Variants in SCFD2 observed in about 807,000 individuals in gnomAD.
SCFD2 encodes sec1 family domain-containing protein 2.
SCFD2 carries 54 observed loss-of-function variants against 58.9 expected under a neutral mutation model. That is an observed-to-expected ratio of 0.92 (90% confidence interval 0.74 to 1.15). The LOEUF (loss-of-function observed/expected upper bound fraction) is 1.15. Among genes scored for constraint, SCFD2 ranks in the 50% most tolerant of loss-of-function variants. The probability of loss-of-function intolerance (pLI) is 0.00; values close to 1 mark genes in which losing one functional copy is unlikely to be tolerated. For missense variants in SCFD2, 805 were observed against 836.6 expected (o/e 0.96, Z 0.47); for synonymous variants, 321 against 335.9 (o/e 0.96, Z 0.49).
intron 4 of SCFD2, among the ~76,000 whole-genome samples, chr4:53,238,461 C>A (rs1426700391): frequency 2.7e-5 from 4 of 149,940 alleles, no homozygotes; most frequent in Non-Finnish European, 4.5e-5. Context: ...CTGACCCCCC[C>A]ACCTCCCTCC....
At chr4:53,010,546 C>T (rs1037742407) in intron 5 of SCFD2, among the ~76,000 whole-genome samples, 3 of 152,178 alleles carry the variant, frequency 2.0e-5, no homozygotes, top group African/African-American at 7.2e-5. Flanking sequence ...GGCGGAAATC[C>T]CTGTCCTTGT....
At chr4:53,315,466 A>T (rs896961589) in intron 2 of SCFD2, among the ~76,000 whole-genome samples, 10 of 152,156 alleles carry the variant, frequency 6.6e-5, no homozygotes, top group African/African-American at 2.2e-4. Flanking sequence ...AGTCATGTCA[A>T]CTTTGATATG....
intron 6 of SCFD2, among the ~76,000 whole-genome samples, chr4:52,915,695 C>G (rs1179278762): frequency 6.6e-6 from 1 of 152,192 alleles, no homozygotes; most frequent in East Asian, 1.9e-4. Flanking sequence ...GAAGCCCAAA[C>G]ACATTAACAT....
At chr4:53,266,669 A>G (rs1730993016) in intron 4 of SCFD2, among the ~76,000 whole-genome samples, 1 of 152,246 alleles carries the variant, frequency 6.6e-6, no homozygotes, top group Admixed American at 6.5e-5. Flanking sequence ...AATCATAAAC[A>G]TATCCACGAT....
intron 5 of SCFD2, among the ~76,000 whole-genome samples, chr4:52,960,598 A>G (rs1223787353): frequency 6.6e-6 from 1 of 151,598 alleles, no homozygotes; most frequent in Admixed American, 6.6e-5. Flanking sequence ...CAAACTCCCG[A>G]CCTCAGGTGA....
At chr4:53,268,515 A>G (rs1272615324) in intron 4 of SCFD2, among the ~76,000 whole-genome samples, 1 of 152,010 alleles carries the variant, frequency 6.6e-6, no homozygotes, top group African/African-American at 2.4e-5. Context: ...TAGGACTCTG[A>G]GCGGGGTGGT....
At chr4:53,323,095 T>C (rs1307051842) in intron 2 of SCFD2, among the ~76,000 whole-genome samples, 2 of 152,252 alleles carry the variant, frequency 1.3e-5, no homozygotes, top group African/African-American at 2.4e-5. Flanking sequence ...ATTGTGTCTA[T>C]ATGCACATTT....
chr4:53,047,953 T>G (rs1169502740), intron 5 of SCFD2, among the ~76,000 whole-genome samples: 1 of 152,174 alleles, frequency 6.6e-6, no homozygotes, highest in Non-Finnish European at 1.5e-5. Flanking sequence ...TGTGAGGGAA[T>G]GTGTGTACTG....
At chr4:53,229,932 A>T (rs975754638) in intron 4 of SCFD2, among the ~76,000 whole-genome samples, 8 of 152,224 alleles carry the variant, frequency 5.3e-5, no homozygotes, top group African/African-American at 1.4e-4. Flanking sequence ...CAAGAAAAAA[A>T]CAAACAACCC....
At chr4:52,919,585 T>C (rs548709661) in intron 6 of SCFD2, among the ~76,000 whole-genome samples, 1 of 152,304 alleles carries the variant, frequency 6.6e-6, no homozygotes, top group East Asian at 1.9e-4. Context: ...AGAACCATAT[T>C]ATAGTCAGGG....
At chr4:53,197,375 T>G (rs1728088825) in intron 4 of SCFD2, among the ~76,000 whole-genome samples, 1 of 151,958 alleles carries the variant, frequency 6.6e-6, no homozygotes, top group African/African-American at 2.4e-5. Flanking sequence ...AGTCTTACAG[T>G]AGGGGGCAGT....
At chr4:53,341,063 C>T (rs555126297) in intron 2 of SCFD2, among the ~76,000 whole-genome samples, 18 of 152,304 alleles carry the variant, frequency 1.2e-4, no homozygotes, top group African/African-American at 4.3e-4. Context: ...TCTTCACCTC[C>T]AAAGGAACAC....
chr4:53,215,569 T>C (rs984595655), intron 4 of SCFD2, among the ~76,000 whole-genome samples: 1 of 152,170 alleles, frequency 6.6e-6, no homozygotes, highest in Admixed American at 6.5e-5. Context: ...GTTTTCTAGA[T>C]ATACATTCAT....
intron 5 of SCFD2, among the ~76,000 whole-genome samples, chr4:52,996,762 T>C (rs531733803): frequency 3.3e-5 from 5 of 152,356 alleles, no homozygotes; most frequent in Admixed American, 1.3e-4. Flanking sequence ...AATTAGGCTG[T>C]CTGCATCTGT....
chr4:53,055,249 A>G (rs1389051926), intron 5 of SCFD2, among the ~76,000 whole-genome samples: 1 of 152,164 alleles, frequency 6.6e-6, no homozygotes, highest in East Asian at 1.9e-4. Context: ...CTAGGGTCAC[A>G]CAGACAGGAT....
chr4:52,918,086 G>A (rs1719649667), intron 6 of SCFD2, among the ~76,000 whole-genome samples: 1 of 152,194 alleles, frequency 6.6e-6, no homozygotes. Context: ...TGACCAGGGA[G>A]CCCAGGACAT....
At chr4:53,183,715 A>G (rs1727654890) in intron 4 of SCFD2, among the ~76,000 whole-genome samples, 1 of 152,118 alleles carries the variant, frequency 6.6e-6, no homozygotes, top group Non-Finnish European at 1.5e-5. Flanking sequence ...AAATAAGAAC[A>G]TGCCTAAACT....
intron 4 of SCFD2, among the ~76,000 whole-genome samples, chr4:53,243,466 A>G (rs576863185): frequency 1.4e-4 from 22 of 152,268 alleles, no homozygotes; most frequent in African/African-American, 4.8e-4. Flanking sequence ...CCTTACAAGA[A>G]TATCTGAAAA....
chr4:53,090,158 T>C (rs942381800), intron 5 of SCFD2, among the ~76,000 whole-genome samples: 6 of 152,208 alleles, frequency 3.9e-5, no homozygotes, highest in Non-Finnish European at 5.9e-5. Context: ...CCCAGGGACA[T>C]TGCAAAACTG....
Sources: allele counts gnomAD v4.1 joint callset (sites outside exome capture counted in the v4.1 genomes callset), GRCh38; gene constraint gnomAD v4.1.1; transcripts MANE v1.5; gene names NCBI Gene and HGNC (gene_info 2026-07-23, HGNC 2026-07-21).